PDE7B: variants seen among roughly 807,000 people sequenced by gnomAD.
PDE7B encodes the protein phosphodiesterase 7B, also known as 3',5'-cyclic-AMP phosphodiesterase 7B.
Under a neutral mutation model 56.2 loss-of-function variants are expected in PDE7B, and 29 were observed. The ratio of observed to expected loss-of-function variants is 0.52; its 90% confidence interval spans 0.38 to 0.70. The LOEUF (loss-of-function observed/expected upper bound fraction) is 0.70. PDE7B is among the 30% of genes least tolerant of loss of function. The probability of loss-of-function intolerance (pLI) is 0.00; values close to 1 mark genes in which losing one functional copy is unlikely to be tolerated. For synonymous variants in PDE7B, 197 were observed against 196.9 expected, an observed-to-expected ratio of 1.00 and a Z score of 0.00; for missense variants, 490 against 565.0, an observed-to-expected ratio of 0.87 and a Z score of 1.35.
intron 2 of PDE7B, among the ~76,000 whole-genome samples, chr6:135,965,102 T>C (rs1398834708): frequency 1.3e-5 from 2 of 152,144 alleles, no homozygotes; most frequent in African/African-American, 2.4e-5. Context: ...TATTTTGCAG[T>C]TGCACTCCAG....
intron 9 of PDE7B, among the ~76,000 whole-genome samples, chr6:136,177,015 A>AT (rs139662353): frequency 0.021 from 3,144 of 152,242 alleles, 98 homozygotes; most frequent in African/African-American, 0.07. Context: ...TTAAAGATGT[A>AT]GTATGGCTTA....
intron 1 of PDE7B, among the ~76,000 whole-genome samples, chr6:135,865,303 C>T (rs1296647224): frequency 6.6e-6 from 1 of 152,018 alleles, no homozygotes; most frequent in Non-Finnish European, 1.5e-5. Flanking sequence ...TTTCTTTAGA[C>T]CAATATTTTT....
chr6:135,947,426 G>A (rs752724734), intron 1 of PDE7B, 38 bp from the exon 2 acceptor site: 1 of 1,500,288 alleles, frequency 6.7e-7, no homozygotes, highest in South Asian at 1.1e-5. Context: ...ATCTTGATAT[G>A]AAATCTTAAA....
rs780449830 is a variant in PDE7B at position 136,193,492 on chromosome 6, T to TG, written c.*1654dup. The stretch of plus-strand genomic sequence containing the variant: ...TCGTTGCCATTTTTTCTCAGACACC[T>TG]GGCCGTAAAATCAGTTTGTTACAGC... On this transcript the variant is annotated 3_prime_UTR_variant, in exon 13 of 13. Transcript: ENST00000308191. 5 of 152,454 alleles carry TG rather than the reference T, an allele frequency of 3.3e-5. No homozygotes were observed. The highest frequency in any genetic ancestry group is 7.3e-5 in the Non-Finnish European group (5 of 68,042). 9.4% of individuals were successfully genotyped at this position (152,454 alleles called of 1,614,324 possible). A position where few individuals can be genotyped will look rare whatever the true frequency, so the allele number is the denominator to read the frequency against.
chr6:135,979,676 A>T (rs912018473), intron 2 of PDE7B, among the ~76,000 whole-genome samples: 1 of 152,182 alleles, frequency 6.6e-6, no homozygotes, highest in Non-Finnish European at 1.5e-5. Context: ...CCAAATCATG[A>T]GTGAACTCCC....
At position 135,926,495 on chromosome 6, in the gene PDE7B, G is replaced by GC. The variant is rs200276709; in HGVS notation, c.22-20969_22-20968insC. Among the ~76,000 whole-genome samples, 196 of 151,810 alleles carry GC rather than the reference G, an allele frequency of 1.3e-3. 2 individuals are homozygous for GC. In the East Asian group the frequency reaches 0.022, roughly 17 times the overall value. ...ATGGTACTGAACTGCGGGTGGGGGG[G>GC]GCTTAGCAAAACCTGTGTGTTCACA... On this transcript the variant is annotated intron_variant, in intron 1 of 12. Transcript: ENST00000308191.
At chr6:136,017,587 G>C (rs939432586) in intron 2 of PDE7B, among the ~76,000 whole-genome samples, 2 of 149,210 alleles carry the variant, frequency 1.3e-5, no homozygotes, top group Admixed American at 1.4e-4. Context: ...AAGAACATGC[G>C]GTGTTTGGTT....
At chr6:135,868,450 C>T (rs940646418) in intron 1 of PDE7B, among the ~76,000 whole-genome samples, 6 of 150,926 alleles carry the variant, frequency 4.0e-5, no homozygotes, top group African/African-American at 7.3e-5. Flanking sequence ...TTTTTTGAGA[C>T]GGAGTCTCGC....
At chr6:136,036,864 A>G (rs1279533829) in intron 2 of PDE7B, among the ~76,000 whole-genome samples, 2 of 152,262 alleles carry the variant, frequency 1.3e-5, no homozygotes, top group Non-Finnish European at 2.9e-5. Context: ...TGAATGTGCA[A>G]GTTCAAATTG....
At chr6:136,073,725 C>A (rs759309836) in intron 2 of PDE7B, among the ~76,000 whole-genome samples, 4 of 152,158 alleles carry the variant, frequency 2.6e-5, no homozygotes, top group Non-Finnish European at 5.9e-5. Context: ...AGGGGACACA[C>A]TCTAGCCCAT....
At chr6:136,190,629 G>T (rs140773463) in intron 12 of PDE7B, among the ~76,000 whole-genome samples, 372 of 152,230 alleles carry the variant, frequency 2.4e-3, no homozygotes, top group Non-Finnish European at 3.7e-3. Flanking sequence ...TAGACTGAAA[G>T]CTATCTTTTC....
At chr6:135,967,776 G>A (rs957895905) in intron 2 of PDE7B, among the ~76,000 whole-genome samples, 63 of 152,130 alleles carry the variant, frequency 4.1e-4, no homozygotes, top group Non-Finnish European at 4.6e-4. Context: ...GCTCATGGCC[G>A]AATGAATACT....
At chr6:135,951,202 C>T (rs1415305323) in intron 2 of PDE7B, among the ~76,000 whole-genome samples, 2 of 151,764 alleles carry the variant, frequency 1.3e-5, no homozygotes, top group Admixed American at 6.6e-5. Context: ...GCCTCCCTGT[C>T]CTCCCCTCTC....
chr6:135,928,437 A>ATATATATATATATTTATT (rs1774227548), intron 1 of PDE7B, among the ~76,000 whole-genome samples: 4 of 112,890 alleles, frequency 3.5e-5, no homozygotes, highest in Non-Finnish European at 3.5e-5. Flanking sequence ...GATTATATAT[A>ATATATATATATATTTATT]TATATATATA....
intron 1 of PDE7B, among the ~76,000 whole-genome samples, chr6:135,867,545 T>C (rs1488437320): frequency 6.6e-6 from 1 of 152,184 alleles, no homozygotes; most frequent in East Asian, 1.9e-4. Flanking sequence ...TTAAGCCTAC[T>C]ACCCATTAGT....
chr6:136,006,306 GTAAC>G (rs1222877015), intron 2 of PDE7B, among the ~76,000 whole-genome samples: 7 of 151,832 alleles, frequency 4.6e-5, no homozygotes, highest in South Asian at 2.1e-4. Context: ...GTATACATAT[GTAAC>G]TAACCTGTAC....
chr6:136,164,104 C>T (rs1025870512), intron 8 of PDE7B, among the ~76,000 whole-genome samples: 2 of 152,138 alleles, frequency 1.3e-5, no homozygotes, highest in Non-Finnish European at 1.5e-5. Context: ...TAAGGACATA[C>T]CCCAGACTGG....
At chr6:136,089,717 A>G (rs1425756100) in intron 2 of PDE7B, among the ~76,000 whole-genome samples, 4 of 152,244 alleles carry the variant, frequency 2.6e-5, no homozygotes, top group Admixed American at 2.6e-4. Flanking sequence ...AAGTGGAAAA[A>G]CATACACTTG....
intron 2 of PDE7B, among the ~76,000 whole-genome samples, chr6:136,071,854 A>G (rs924885566): frequency 2.6e-5 from 4 of 152,250 alleles, no homozygotes; most frequent in Non-Finnish European, 5.9e-5. Context: ...TGATCATATA[A>G]CAATGCCTAA....
Sources: allele counts gnomAD v4.1 joint callset (sites outside exome capture counted in the v4.1 genomes callset), GRCh38; gene constraint gnomAD v4.1.1; transcripts MANE v1.5; gene names NCBI Gene and HGNC (gene_info 2026-07-23, HGNC 2026-07-21).